The following RUSC2 variants were observed in gnomAD, a reference collection of about 807,000 sequenced individuals.
RUSC2 encodes the protein AP-4 complex accessory subunit RUSC2.
A neutral mutation model predicts 122.2 loss-of-function variants in RUSC2; 34 were observed. The ratio of observed to expected loss-of-function variants is 0.28; its 90% CI spans 0.21 to 0.37. The LOEUF (loss-of-function observed/expected upper bound fraction) is 0.37, where lower values mean the gene tolerates loss of function less well. Ranked by LOEUF, RUSC2 falls within the 10% of genes least tolerant of loss-of-function variation. RUSC2 has a pLI of 1.00. For missense variants in RUSC2, 1,747 were observed against 1,952.4 expected (o/e 0.89, Z 1.98); for synonymous variants, 784 against 790.0 (o/e 0.99, Z 0.13).
intron 9 of RUSC2, among the ~76,000 whole-genome samples, chr9:35,559,780 A>G (rs953779437): frequency 5.3e-5 from 8 of 152,186 alleles, no homozygotes; most frequent in Non-Finnish European, 1.2e-4. Context: ...TACTCTAGCA[A>G]TCTGGGAGTT....
intron 1 of RUSC2, among the ~76,000 whole-genome samples, chr9:35,543,028 T>C (rs1821672216): frequency 6.6e-6 from 1 of 152,198 alleles, no homozygotes; most frequent in African/African-American, 2.4e-5. Flanking sequence ...CTGCTATCTA[T>C]GTAAGAAAGT....
chr9:35,516,022 A>AAAAAAAAAAAAAAAAAAGAAAG (rs1554724501), intron 1 of RUSC2, among the ~76,000 whole-genome samples: 5 of 127,108 alleles, frequency 3.9e-5, no homozygotes, highest in Non-Finnish European at 6.6e-5. Flanking sequence ...AAAAAAAAAA[A>AAAAAAAAAAAAAAAAAAGAAAG]AGAGAAATGC....
chr9:35,560,886 A>T, intron 10 of RUSC2, 35 bp downstream of exon 10: 2 of 1,575,760 alleles, frequency 1.3e-6, no homozygotes, highest in Non-Finnish European at 1.7e-6. Flanking sequence ...TGGAGGGAGT[A>T]GGGAGCCTGC....
chr9:35,560,664 C>T lies in RUSC2; in HGVS notation c.4024C>T (p.Pro1342Ser), dbSNP rs769609911. 6.3e-7 allele frequency: 1 copy of T among 1,584,222 alleles called. No individual in the cohort carries two copies. The highest frequency in any genetic ancestry group is 8.6e-7 in the Non-Finnish European group (1 of 1,164,522). The change falls in exon 10 of 12, where the codon CCC (proline) becomes TCC (serine). Residue 1342 changes from proline to serine, a missense_variant. Transcript: ENST00000361226. ...GGCCCTGGGCCGGGAAAGGGGCTGG[C>T]CCTTCTGGATGGGGAGCCCCCCTGA... is the stretch of plus-strand genomic sequence containing the variant. Reference protein sequence around the residue: ...EEALGRERGWPFWMGSPPDSV... With the variant: ...EEALGRERGWSFWMGSPPDSV...
chr9:35,529,139 G>A (rs1046957435), intron 1 of RUSC2, among the ~76,000 whole-genome samples: 2 of 152,048 alleles, frequency 1.3e-5, no homozygotes, highest in Admixed American at 1.3e-4. Context: ...ATATTGCATT[G>A]AACATCATTG....
Position 35,548,396 on chromosome 9 carries a change from C to T in RUSC2, c.1875C>T (p.Pro625=). ...GGTCCACCCAGGTCTGTCAGGGACCCCACTCCAGTGAGATGCCTCCTGCTG... is the reference window on the plus strand; with the variant it reads ...GGTCCACCCAGGTCTGTCAGGGACCTCACTCCAGTGAGATGCCTCCTGCTG... ...PPWSTQVCQG[P]HSSEMPPAGL... The change falls in exon 2 of 12, where the codon CCC becomes CCT. Residue 625 remains proline, a synonymous_variant. Coordinates refer to ENST00000361226, the MANE Select transcript of RUSC2 (RefSeq NM_014806.5). This position sits in a 1 kb window ranked among gnomAD's most constrained non-coding sequence, Gnocchi z 4.5. 6 of 1,614,048 alleles carry T rather than the reference C, an allele frequency of 3.7e-6. No homozygotes were observed. Among genetic ancestry groups the T allele is most frequent in the Non-Finnish European group, 5.1e-6 (6 of 1,180,024 alleles).
At chr9:35,502,424 C>T (rs1820833985) in intron 1 of RUSC2, among the ~76,000 whole-genome samples, 1 of 152,154 alleles carries the variant, frequency 6.6e-6, no homozygotes, top group Non-Finnish European at 1.5e-5. Flanking sequence ...TCTCTCACTC[C>T]CTCAAGATTA....
intron 1 of RUSC2, among the ~76,000 whole-genome samples, chr9:35,529,145 C>T (rs1156885396): frequency 6.6e-6 from 1 of 152,006 alleles, no homozygotes; most frequent in Non-Finnish European, 1.5e-5. Context: ...CATTGAACAT[C>T]ATTGGGGAAA....
At position 35,555,650 on chromosome 9, in the gene RUSC2, A is replaced by G. The variant is rs769280700; in HGVS notation, c.2605A>G (p.Ser869Gly). 7.5e-6 allele frequency: 12 copies of G among 1,608,138 alleles called. No individual in the cohort carries two copies. Among genetic ancestry groups the G allele is most frequent in the African/African-American group, 4.0e-5 (3 of 74,822 alleles). The change falls in exon 3 of 12, where the codon AGC becomes GGC. Residue 869 changes from serine to glycine, a missense_variant. Physicochemically the swap from Ser to Gly is moderately conservative, Grantham distance 56. Transcript: ENST00000361226. The surrounding 1 kb of genome is among the most constrained non-coding windows in gnomAD (Gnocchi z 4.6). ...SWRSGLSRAE[S>G]LARGGGEGSM... ...GCGATCTGGCCTCAGCCGAGCAGAG[A>G]GCCTGGCCCGGGGAGGTGGTGAGGG...
chr9:35,534,492 A>AT (rs1336230581), intron 1 of RUSC2, among the ~76,000 whole-genome samples: 1 of 149,702 alleles, frequency 6.7e-6, no homozygotes, highest in South Asian at 2.1e-4. Flanking sequence ...TTACTTATTT[A>AT]TTTTTTTGAG....
At chr9:35,497,121 G>A (rs1460297373) in intron 1 of RUSC2, among the ~76,000 whole-genome samples, 1 of 152,170 alleles carries the variant, frequency 6.6e-6, no homozygotes, top group Non-Finnish European at 1.5e-5. Context: ...CCCTTAGAGA[G>A]TGAGTACAAG....
At chr9:35,552,051 G>C (rs767785614) in intron 2 of RUSC2, among the ~76,000 whole-genome samples, 2 of 151,426 alleles carry the variant, frequency 1.3e-5, no homozygotes, top group Non-Finnish European at 1.5e-5. Context: ...CAAAAAGTGA[G>C]ATCCTGTCTC....
chr9:35,496,589 T>G (rs1405047804), intron 1 of RUSC2, among the ~76,000 whole-genome samples: 1 of 152,200 alleles, frequency 6.6e-6, no homozygotes, highest in East Asian at 1.9e-4. Flanking sequence ...TTGTCCTATT[T>G]GAATATCCTA....
At chr9:35,494,145 C>T (rs1370678150) in intron 1 of RUSC2, among the ~76,000 whole-genome samples, 1 of 150,594 alleles carries the variant, frequency 6.6e-6, no homozygotes. Flanking sequence ...CTTGGCAACA[C>T]TTGTTTTCTT....
At chr9:35,505,017 T>C (rs1309981566) in intron 1 of RUSC2, among the ~76,000 whole-genome samples, 1 of 152,226 alleles carries the variant, frequency 6.6e-6, no homozygotes, top group Non-Finnish European at 1.5e-5. Flanking sequence ...TAACAATATG[T>C]GCTGTACACT....
intron 2 of RUSC2, among the ~76,000 whole-genome samples, chr9:35,549,952 C>T (rs1382846267): frequency 6.6e-6 from 1 of 152,156 alleles, no homozygotes; most frequent in Non-Finnish European, 1.5e-5. Flanking sequence ...TGGCTTACAC[C>T]TGTAATCCCA....
chr9:35,547,089 T>C lies in RUSC2; in HGVS notation c.568T>C (p.Cys190Arg). ...TACTCAGCAGTGCGGCACCAGCCAC[T>C]GCTGCCGGCCAGAGCTGGAAGCAGA... ...LDTQQCGTSH[C>R]CRPELEAETM... Residue 190 changes from cysteine to arginine, a missense_variant, in exon 2 of 12, where the codon TGC becomes CGC. Physicochemically the swap from Cys to Arg is radical, Grantham distance 180. Coordinates refer to ENST00000361226, the MANE Select transcript of RUSC2 (RefSeq NM_014806.5). This position sits in a 1 kb window ranked among gnomAD's most constrained non-coding sequence, Gnocchi z 4.6. 6.2e-7 allele frequency: 1 copy of C among 1,614,032 alleles called. No individual in the cohort carries two copies. Among genetic ancestry groups the C allele is most frequent in the Non-Finnish European group, 8.5e-7 (1 of 1,179,956 alleles).
intron 2 of RUSC2, among the ~76,000 whole-genome samples, chr9:35,553,607 G>C (rs1236576857): frequency 6.6e-6 from 1 of 152,224 alleles, no homozygotes; most frequent in African/African-American, 2.4e-5. Flanking sequence ...TATTTGAGCT[G>C]ATGCCTGAAT....
intron 1 of RUSC2, among the ~76,000 whole-genome samples, chr9:35,507,405 T>C (rs1006754996): frequency 3.3e-5 from 5 of 152,234 alleles, no homozygotes; most frequent in African/African-American, 9.6e-5. Flanking sequence ...TTTAAAAGTA[T>C]ACTTGCCTGA....
Sources: gnomAD v4.1 joint callset for allele counts (sites outside exome capture counted in the v4.1 genomes callset) on GRCh38, gnomAD v4.1.1 for gene constraint, Gnocchi (gnomAD v3.1) non-coding constraint, MANE v1.5 for transcripts, NCBI Gene and HGNC (gene_info 2026-07-23, HGNC 2026-07-21) for gene names.